Variants in MED29 observed in about 807,000 individuals in gnomAD.
MED29 encodes the protein mediator complex subunit 29, also known as mediator of RNA polymerase II transcription subunit 29.
A neutral mutation model predicts 22.0 loss-of-function variants in MED29; 14 were observed. The observed-to-expected ratio is 0.64, with a 90% CI of 0.42 to 0.99. The LOEUF (loss-of-function observed/expected upper bound fraction) is 0.99, where lower values mean the gene tolerates loss of function less well. Among genes scored for constraint, MED29 ranks in the 50% least tolerant of loss-of-function variants. MED29 has a pLI of 0.00. For synonymous variants in MED29, 123 were observed against 107.8 expected, an observed-to-expected ratio of 1.14 and a Z score of -0.87; for missense variants, 241 against 253.7, an observed-to-expected ratio of 0.95 and a Z score of 0.34.
rs776751725 is a variant in MED29, at chr19:39,397,028, C to CA, written c.361-417dup. On this transcript the variant is annotated intron_variant, in intron 3 of 3. Transcript: ENST00000315588. Reference sequence around the variant, plus strand: ...GGGCAACAAAACCGAAACTCCATCTCAAAAAAAAAAAAGAAAGTAGTACCT... The same window carrying CA: ...GGGCAACAAAACCGAAACTCCATCTCAAAAAAAAAAAAAGAAAGTAGTACCT... Among the ~76,000 whole-genome samples the CA allele has an allele frequency of 2.2e-3, 237 of 106,460 alleles. 1 individual carries two copies. In the East Asian group the frequency reaches 0.039, roughly 17 times the overall value. The allele number at this position is 106,460 out of a possible 152,430, so 69.8% of individuals were successfully genotyped here.
rs187469328 is a variant in MED29, at chr19:39,393,823, A to T, written c.360+186A>T. Among the ~76,000 whole-genome samples the T allele has an allele frequency of 1.1e-4, 16 of 152,338 alleles. No homozygotes were observed. The East Asian group carries it at 2.9e-3, about 28-fold the overall frequency. ...CCTTGCAGAGCTTTCAGTTGAGTGG[A>T]ATAATAAGCACACCCCTAAACAGTG... On this transcript the variant is annotated intron_variant, in intron 3 of 3. Coordinates refer to ENST00000315588, the MANE Select transcript of MED29 (RefSeq NM_017592.4).
rs895355143 is a variant in MED29, at chr19:39,399,791, A to G, written c.*2092A>G. On this transcript the variant is annotated 3_prime_UTR_variant, in exon 4 of 4. Transcript: ENST00000315588. ...CCCTCCCAGGTGGTGTCAACACAAC[A>G]TCACACACAGGTGGGGGGGCCTGAT... 6.6e-6 allele frequency: 1 copy of G among 152,196 alleles called. No individual in the cohort carries two copies. The highest frequency in any genetic ancestry group is 6.5e-5 in the Admixed American group (1 of 15,278). 9.4% of individuals were successfully genotyped at this position (152,196 alleles called of 1,614,324 possible). A position where few individuals can be genotyped will look rare whatever the true frequency, so the allele number is the denominator to read the frequency against.
At position 39,397,815 on chromosome 19, in the gene MED29, G is replaced by A. The variant is rs868081923; in HGVS notation, c.*116G>A. 3.5e-5 allele frequency: 51 copies of A among 1,471,592 alleles called. No individual in the cohort carries two copies. In the African/African-American group the frequency reaches 3.8e-4, roughly 11 times the overall value. 91.2% of individuals were successfully genotyped at this position (1,471,592 alleles called of 1,614,324 possible). A position where few individuals can be genotyped will look rare whatever the true frequency, so the allele number is the denominator to read the frequency against. On this transcript the variant is annotated 3_prime_UTR_variant, in exon 4 of 4. Coordinates refer to ENST00000315588, the MANE Select transcript of MED29 (RefSeq NM_017592.4). ...TCTCTTCCTGCCTGAGCACCGCAGC[G>A]GGAGCCAGCAGGGGGCAGCAGAGGC... is the stretch of plus-strand genomic sequence containing the variant.
In MED29 at chr19:39,399,248, C is replaced by T. The variant is rs2033300222; in HGVS notation, c.*1549C>T. 1 of 152,182 alleles carries T rather than the reference C, an allele frequency of 6.6e-6. No homozygotes were observed. The highest frequency in any genetic ancestry group is 2.1e-4 in the South Asian group (1 of 4,830). The allele number at this position is 152,182 out of a possible 1,614,324, so 9.4% of individuals were successfully genotyped here. A position where few individuals can be genotyped will look rare whatever the true frequency, so the allele number is the denominator to read the frequency against. ...GTCCAAGTTGACACATAAAACTGAC[C>T]ATCGGGCCGGGGGCGGTGGCTCACG... On this transcript the variant is annotated 3_prime_UTR_variant, in exon 4 of 4. Coordinates refer to ENST00000315588, the MANE Select transcript of MED29 (RefSeq NM_017592.4).
At chr19:39,394,593 C>G (rs2078418296) in intron 3 of MED29, among the ~76,000 whole-genome samples, 1 of 116,350 alleles carries the variant, frequency 8.6e-6, no homozygotes, top group Non-Finnish European at 1.7e-5. Flanking sequence ...GAGACAGAGT[C>G]TCACTCTGTC....
rs2078378839 is a variant in MED29, at chr19:39,391,526, C to G, written c.104C>G (p.Pro35Arg). The G allele has an allele frequency of 1.2e-6, 2 of 1,613,762 alleles. No homozygotes were observed. The highest frequency in any genetic ancestry group is 1.7e-6 in the Non-Finnish European group (2 of 1,180,000). Residue 35 changes from proline to arginine, a missense_variant, in exon 1 of 4, where the codon CCA becomes CGA. By Grantham distance (103) the Pro-to-Arg change is moderately radical. Transcript: ENST00000315588. The stretch of plus-strand genomic sequence containing the variant: ...GGTCCCCAGCAGCAGCCGCAACCGC[C>G]AGCACAACTGGTGGGCCCTGCCCAG... ...GPGPQQQPQP[P>R]AQLVGPAQSG...
chr19:39,392,883 G>A (rs2078402279), intron 2 of MED29: 2 of 217,204 alleles, frequency 9.2e-6, no homozygotes, highest in African/African-American at 2.3e-5. Context: ...CATCCCCTCA[G>A]CCTCACGAAT....
chr19:39,397,343 C>T, intron 3 of MED29, 114 bp from the exon 4 acceptor site: 1 of 1,191,892 alleles, frequency 8.4e-7, no homozygotes, highest in Non-Finnish European at 1.2e-6. Context: ...CAACCTCTGA[C>T]TCTAAGACCT....
In MED29 at chr19:39,393,639, TAAG is replaced by T; in HGVS notation, c.360+6_360+8del. 1 of 1,613,642 alleles carries T rather than the reference TAAG, an allele frequency of 6.2e-7. No individual in the cohort carries two copies. The highest frequency in any genetic ancestry group is 8.5e-7 in the Non-Finnish European group (1 of 1,179,532). ...TGTGACCAGCTGGAGCTGTGCCTGGTAAGAAGCCTTCTGGACACGGGGTAACAA... is the reference window on the plus strand; with the variant it reads ...TGTGACCAGCTGGAGCTGTGCCTGGTAAGCCTTCTGGACACGGGGTAACAA... On this transcript the variant is annotated splice_donor_5th_base_variant and intron_variant, in intron 3 of 3. Coordinates refer to ENST00000315588, the MANE Select transcript of MED29 (RefSeq NM_017592.4).
intron 3 of MED29, 103 bp downstream of exon 3, chr19:39,393,740 G>A (rs953118664): frequency 1.0e-6 from 1 of 959,774 alleles, no homozygotes. Context: ...GGGACCTCCT[G>A]TGGGCCAGAC....
intron 2 of MED29, among the ~76,000 whole-genome samples, chr19:39,393,013 G>C (rs1004633261): frequency 3.2e-4 from 47 of 148,586 alleles, no homozygotes; most frequent in Non-Finnish European, 6.2e-4. Context: ...GCCTCCCAAA[G>C]TGCTGGGATG....
At chr19:39,392,698 C>T (rs1042135604) in intron 2 of MED29, 176 bp downstream of exon 2, 1 of 583,288 alleles carries the variant, frequency 1.7e-6, no homozygotes. Flanking sequence ...ACGATCTTGG[C>T]TCATTGCAGC....
At chr19:39,394,522 G>C (rs1299546866) in intron 3 of MED29, among the ~76,000 whole-genome samples, 1 of 146,592 alleles carries the variant, frequency 6.8e-6, no homozygotes, top group Non-Finnish European at 1.5e-5. Context: ...CTCCTAAAGT[G>C]CTAGGATTAC....
chr19:39,391,461 A>C lies in MED29; in HGVS notation c.39A>C (p.Ser13=). The change falls in exon 1 of 4, where the codon TCA becomes TCC. Residue 13 remains serine, a synonymous_variant. Transcript: ENST00000315588. ...AGCAGCAAGCTTCAGCGGCTTCCTCAGCTGCTGGTGTATCGGGTCCTAGTT... is the reference window on the plus strand; with the variant it reads ...AGCAGCAAGCTTCAGCGGCTTCCTCCGCTGCTGGTGTATCGGGTCCTAGTT... ...ASQQQASAAS[S]AAGVSGPSSA... 6.2e-7 allele frequency: 1 copy of C among 1,613,512 alleles called. No homozygotes were observed. Among genetic ancestry groups the C allele is most frequent in the Non-Finnish European group, 8.5e-7 (1 of 1,179,788 alleles).
rs548488553 is a variant in MED29 at position 39,391,453 on chromosome 19, G to T, written c.31G>T (p.Ala11Ser). MAASQQQASA[A>S]SSAAGVSGPS... The stretch of plus-strand genomic sequence containing the variant: ...TGCATCCCAGCAGCAAGCTTCAGCG[G>T]CTTCCTCAGCTGCTGGTGTATCGGG... The change falls in exon 1 of 4, where the codon GCT becomes TCT. Residue 11 changes from alanine to serine, a missense_variant. Ala to Ser is a moderately conservative substitution (Grantham distance 99). Coordinates refer to ENST00000315588, the MANE Select transcript of MED29 (RefSeq NM_017592.4). The T allele has an allele frequency of 6.2e-7, 1 of 1,613,354 alleles. No individual in the cohort carries two copies. Among genetic ancestry groups the T allele is most frequent in the African/African-American group, 1.3e-5 (1 of 75,056 alleles).
chr19:39,396,173 G>T (rs1203452224), intron 3 of MED29, among the ~76,000 whole-genome samples: 1 of 152,086 alleles, frequency 6.6e-6, no homozygotes, highest in Non-Finnish European at 1.5e-5. Flanking sequence ...AGGCGCGGTG[G>T]CTTGTGCCTG....
In MED29 at chr19:39,397,603, C is replaced by T; in HGVS notation, c.507C>T (p.Ser169=). Residue 169 remains serine, a synonymous_variant, in exon 4 of 4, where the codon TCC becomes TCT. Transcript: ENST00000315588. The part of the protein sequence containing the change: ...QYLAVIKAQI[S]CAKDIHTALL... ...TGGCGGTCATCAAAGCCCAGATTTC[C>T]TGTGCCAAGGACATTCACACCGCCC... The T allele has an allele frequency of 1.2e-6, 2 of 1,613,856 alleles. No individual in the cohort carries two copies. The highest frequency in any genetic ancestry group is 1.7e-6 in the Non-Finnish European group (2 of 1,180,022).
Position 39,399,782 on chromosome 19 carries a change from C to T in MED29, c.*2083C>T, listed in dbSNP as rs2078451783. ...GACTGTCGGCCCTCCCAGGTGGTGT[C>T]AACACAACATCACACACAGGTGGGG... On this transcript the variant is annotated 3_prime_UTR_variant, in exon 4 of 4. Transcript: ENST00000315588. The T allele has an allele frequency of 1.3e-5, 2 of 152,176 alleles. No homozygotes were observed. Among genetic ancestry groups the T allele is most frequent in the Admixed American group, 6.5e-5 (1 of 15,278 alleles). 9.4% of individuals were successfully genotyped at this position (152,176 alleles called of 1,614,324 possible).
At chr19:39,393,072 CTTTCTTTTCTTTTTTTTTTTTT>C (rs1333436129) in intron 2 of MED29, among the ~76,000 whole-genome samples, 3,148 of 86,056 alleles carry the variant, frequency 0.037, 97 homozygotes, top group African/African-American at 0.069. Context: ...TTCTTTCTTT[CTTTCTTTTCTTTTTTTTTTTTT>C]TTTTTTTTTT....
Sources: allele counts gnomAD v4.1 joint callset (sites outside exome capture counted in the v4.1 genomes callset), GRCh38; gene constraint gnomAD v4.1.1; transcripts MANE v1.5; gene names NCBI Gene and HGNC (gene_info 2026-07-23, HGNC 2026-07-21).